Variants in GRIK1 observed in about 807,000 individuals in gnomAD.
The protein encoded by GRIK1 is glutamate receptor ionotropic, kainate 1.
GRIK1 carries 69 observed loss-of-function variants against 105.7 expected under a neutral mutation model. The observed-to-expected ratio is 0.65, with a 90% CI of 0.54 to 0.80. The LOEUF (loss-of-function observed/expected upper bound fraction) is 0.80, where lower values mean the gene tolerates loss of function less well. Among genes scored for constraint, GRIK1 ranks in the 30% least tolerant of loss-of-function variants. GRIK1 has a pLI of 0.00. For missense variants in GRIK1, 1,109 were observed against 1,167.3 expected (o/e 0.95, Z 0.73); for synonymous variants, 438 against 431.3 (o/e 1.02, Z -0.19).
intron 3 of GRIK1, among the ~76,000 whole-genome samples, chr21:29,675,924 A>G (rs967781134): frequency 2.6e-5 from 4 of 152,192 alleles, no homozygotes; most frequent in Non-Finnish European, 4.4e-5. Context: ...TGGCTGAATG[A>G]AAAACTAATT....
intron 16 of GRIK1, among the ~76,000 whole-genome samples, chr21:29,547,272 G>A (rs1247591771): frequency 6.6e-6 from 1 of 152,190 alleles, no homozygotes; most frequent in African/African-American, 2.4e-5. Flanking sequence ...TCTATATCCA[G>A]GGGAGGCCTT....
intron 7 of GRIK1, among the ~76,000 whole-genome samples, chr21:29,605,199 C>G (rs1019402676): frequency 1.3e-5 from 2 of 152,130 alleles, no homozygotes; most frequent in Admixed American, 6.6e-5. Flanking sequence ...AGCTGTTCTT[C>G]CTGATGCTCT....
At chr21:29,819,158 C>T (rs1296938742) in intron 1 of GRIK1, among the ~76,000 whole-genome samples, 1 of 152,072 alleles carries the variant, frequency 6.6e-6, no homozygotes, top group Non-Finnish European at 1.5e-5. Flanking sequence ...TATTGAAATA[C>T]TATTCGACAA....
At chr21:29,558,831 G>A (rs1307318321) in intron 15 of GRIK1, among the ~76,000 whole-genome samples, 2 of 152,060 alleles carry the variant, frequency 1.3e-5, no homozygotes, top group Non-Finnish European at 2.9e-5. Flanking sequence ...TTAGGAAAGT[G>A]GTAGGAAGAA....
At chr21:29,708,678 C>A (rs183905432) in intron 1 of GRIK1, among the ~76,000 whole-genome samples, 2 of 152,330 alleles carry the variant, frequency 1.3e-5, no homozygotes, top group East Asian at 3.9e-4. Flanking sequence ...CTTCTGTTTC[C>A]CTCTGCCCAG....
intron 7 of GRIK1, among the ~76,000 whole-genome samples, chr21:29,636,684 T>A (rs1171617560): frequency 3.3e-5 from 5 of 152,238 alleles, no homozygotes; most frequent in African/African-American, 9.6e-5. Context: ...CTTTCAGCTC[T>A]TTATGAATGG....
intron 16 of GRIK1, among the ~76,000 whole-genome samples, chr21:29,544,989 T>TC (rs1437124648): frequency 1.3e-5 from 2 of 152,204 alleles, no homozygotes; most frequent in African/African-American, 4.8e-5. Context: ...AGTCTCTGTC[T>TC]CAGGCATTCA....
chr21:29,750,642 A>G (rs1048298827), intron 1 of GRIK1, among the ~76,000 whole-genome samples: 22 of 152,214 alleles, frequency 1.4e-4, no homozygotes, highest in Admixed American at 1.4e-3. Flanking sequence ...TTTTCTGATG[A>G]GGGTCAATAG....
intron 6 of GRIK1, among the ~76,000 whole-genome samples, chr21:29,645,579 G>GA (rs1001671118): frequency 6.6e-6 from 1 of 151,940 alleles, no homozygotes; most frequent in Non-Finnish European, 1.5e-5. Context: ...CTATTTGTTC[G>GA]AAAAAATATG....
At chr21:29,765,949 T>C (rs1459191545) in intron 1 of GRIK1, among the ~76,000 whole-genome samples, 1 of 152,032 alleles carries the variant, frequency 6.6e-6, no homozygotes, top group Non-Finnish European at 1.5e-5. Context: ...CCTCCCGGGT[T>C]CACGCCATTC....
chr21:29,698,498 T>C (rs1449668806), intron 1 of GRIK1, among the ~76,000 whole-genome samples: 1 of 152,218 alleles, frequency 6.6e-6, no homozygotes, highest in Non-Finnish European at 1.5e-5. Flanking sequence ...GCATGACAGA[T>C]GGAACACAGG....
At chr21:29,643,231 A>G (rs1341707383) in intron 6 of GRIK1, among the ~76,000 whole-genome samples, 1 of 152,200 alleles carries the variant, frequency 6.6e-6, no homozygotes, top group Non-Finnish European at 1.5e-5. Flanking sequence ...GCCACAAAAG[A>G]CTTGATTCAA....
intron 1 of GRIK1, among the ~76,000 whole-genome samples, chr21:29,880,999 A>G (rs2069386983): frequency 6.6e-6 from 1 of 152,138 alleles, no homozygotes; most frequent in African/African-American, 2.4e-5. Context: ...CACCAATGTA[A>G]TTTGTTTTGA....
rs144809545 is a variant in GRIK1, at chr21:29,740,040, A to T, written c.119-45977T>A. 7.6e-3 allele frequency among the ~76,000 whole-genome samples: 1,154 copies of T among 152,288 alleles called. 46 individuals are homozygous for T. Among genetic ancestry groups the T allele is most frequent in the Admixed American group, 0.069 (1,058 of 15,292 alleles). The stretch of plus-strand genomic sequence containing the variant: ...TATGCATTAATTTTAGTTTTCTGTG[A>T]CCAAAATGATTTCAATTGAAAAAAC... On this transcript the variant is annotated intron_variant, in intron 1 of 17. Transcript: ENST00000327783.
chr21:29,939,326 C>T (rs2071889485), intron 1 of GRIK1, 57 bp downstream of exon 1: 1 of 1,041,618 alleles, frequency 9.6e-7, no homozygotes, highest in Non-Finnish European at 1.5e-6. Context: ...CCGCTACACC[C>T]GCGTTGGTGC....
intron 1 of GRIK1, among the ~76,000 whole-genome samples, chr21:29,756,509 G>C (rs534877053): frequency 7.9e-5 from 12 of 152,206 alleles, no homozygotes; most frequent in African/African-American, 2.6e-4. Flanking sequence ...ACAATGCCAC[G>C]TTACAGTGAG....
chr21:29,662,155 T>C lies in GRIK1; in HGVS notation c.727-7292A>G, dbSNP rs1669951536. Among the ~76,000 whole-genome samples, 3 of 152,202 alleles carry C rather than the reference T, an allele frequency of 2.0e-5. No homozygotes were observed. The South Asian group carries it at 6.2e-4, about 31-fold the overall frequency. On this transcript the variant is annotated intron_variant, in intron 4 of 17. Coordinates refer to ENST00000327783, the MANE Select transcript of GRIK1 (RefSeq NM_001330994.2). ...GAAAGGAAGCTCATACTAATAGATA[T>C]TAATAAAAGGAGTGCAAATCATTGG...
At chr21:29,933,015 A>G (rs1232451880) in intron 1 of GRIK1, among the ~76,000 whole-genome samples, 1 of 152,110 alleles carries the variant, frequency 6.6e-6, no homozygotes, top group Admixed American at 6.5e-5. Flanking sequence ...TGTGGTTTTA[A>G]GAATATTTTC....
At chr21:29,788,626 A>G (rs181363820) in intron 1 of GRIK1, among the ~76,000 whole-genome samples, 123 of 152,310 alleles carry the variant, frequency 8.1e-4, no homozygotes, top group Non-Finnish European at 1.5e-3. Flanking sequence ...TGTGCACTTT[A>G]TTTCTATTAT....
Sources: allele counts gnomAD v4.1 joint callset (sites outside exome capture counted in the v4.1 genomes callset), GRCh38; gene constraint gnomAD v4.1.1; transcripts MANE v1.5; gene names NCBI Gene and HGNC (gene_info 2026-07-23, HGNC 2026-07-21).